Variants in CA10 observed in about 807,000 individuals in gnomAD.
CA10 encodes carbonic anhydrase-related protein 10.
In CA10, 14 loss-of-function variants were observed where a neutral mutation model predicts 44.2. The ratio of observed to expected loss-of-function variants is 0.32; its 90% CI spans 0.21 to 0.50. The LOEUF is 0.50. CA10 is among the 20% of genes least tolerant of loss of function. The probability of loss-of-function intolerance (pLI) is 0.99; values close to 1 mark genes in which losing one functional copy is unlikely to be tolerated. For synonymous variants in CA10, 159 were observed against 141.6 expected (o/e 1.12, Z -0.87); for missense variants, 350 against 409.7 (o/e 0.85, Z 1.26).
At chr17:51,817,379 T>A (rs553858788) in intron 3 of CA10, among the ~76,000 whole-genome samples, 1 of 152,348 alleles carries the variant, frequency 6.6e-6, no homozygotes, top group Admixed American at 6.5e-5. Flanking sequence ...AATATTTGTC[T>A]CTTTAAGAGA....
chr17:51,833,746 A>G (rs1355136814), intron 3 of CA10, among the ~76,000 whole-genome samples: 1 of 152,224 alleles, frequency 6.6e-6, no homozygotes, highest in Non-Finnish European at 1.5e-5. Flanking sequence ...TATATATTAG[A>G]AAGCAACCAT....
At chr17:52,035,366 T>C (rs1986586820) in intron 2 of CA10, among the ~76,000 whole-genome samples, 1 of 152,206 alleles carries the variant, frequency 6.6e-6, no homozygotes. Context: ...CCGTCCCCTT[T>C]TCAGCTCCCC....
intron 7 of CA10, among the ~76,000 whole-genome samples, chr17:51,635,373 C>T (rs146794132): frequency 7.0e-4 from 106 of 152,066 alleles, no homozygotes; most frequent in African/African-American, 2.3e-3. Flanking sequence ...ATTAGCCGGG[C>T]GTGGTGGCAC....
chr17:51,975,572 C>T (rs971231284), intron 2 of CA10, among the ~76,000 whole-genome samples: 1 of 152,052 alleles, frequency 6.6e-6, no homozygotes, highest in African/African-American at 2.4e-5. Context: ...TCCAGCTACT[C>T]GAGAGGCTGA....
chr17:52,089,517 C>T (rs574377212), intron 1 of CA10, among the ~76,000 whole-genome samples: 3 of 152,160 alleles, frequency 2.0e-5, no homozygotes, highest in African/African-American at 7.2e-5. Flanking sequence ...TACAGTATTC[C>T]TGCCTTCTCT....
chr17:51,657,443 C>A, intron 4 of CA10, among the ~76,000 whole-genome samples: 1 of 152,182 alleles, frequency 6.6e-6, no homozygotes, highest in East Asian at 1.9e-4. Context: ...ACCCAATACC[C>A]ACTAACCACT....
intron 1 of CA10, among the ~76,000 whole-genome samples, chr17:52,076,808 T>G (rs917187123): frequency 6.6e-6 from 1 of 152,170 alleles, no homozygotes; most frequent in Non-Finnish European, 1.5e-5. Context: ...TTGTTGTTGT[T>G]TACATGTGAT....
At chr17:51,678,503 AC>A (rs1393340214) in intron 4 of CA10, among the ~76,000 whole-genome samples, 1 of 152,228 alleles carries the variant, frequency 6.6e-6, no homozygotes, top group Non-Finnish European at 1.5e-5. Context: ...TCTGGCTATA[AC>A]TGAAAATCCC....
At chr17:52,107,482 C>A (rs1988685381) in intron 1 of CA10, among the ~76,000 whole-genome samples, 1 of 152,114 alleles carries the variant, frequency 6.6e-6, no homozygotes, top group South Asian at 2.1e-4. Context: ...ACAAAGCTCC[C>A]CATACTTGTA....
chr17:51,693,136 G>GCTGGTTTTGA (rs1192030722), intron 4 of CA10, among the ~76,000 whole-genome samples: 2 of 152,188 alleles, frequency 1.3e-5, no homozygotes, highest in African/African-American at 4.8e-5. Flanking sequence ...ACTGGTTCCA[G>GCTGGTTTTGA]CTGGTTTTGA....
At chr17:52,091,697 T>A (rs1181823381) in intron 1 of CA10, among the ~76,000 whole-genome samples, 1 of 152,180 alleles carries the variant, frequency 6.6e-6, no homozygotes, top group Non-Finnish European at 1.5e-5. Context: ...CAATTTTGAT[T>A]TGCAGTTGTA....
intron 2 of CA10, among the ~76,000 whole-genome samples, chr17:52,003,548 A>G (rs117241751): frequency 0.013 from 1,912 of 152,078 alleles, 20 homozygotes; most frequent in Non-Finnish European, 0.019. Flanking sequence ...AGCTTTGTTT[A>G]CCTTTTTAAT....
chr17:52,029,768 T>C lies in CA10; in HGVS notation c.136+42551A>G, dbSNP rs142939440. Among the ~76,000 whole-genome samples the C allele has an allele frequency of 4.2e-4, 64 of 152,320 alleles. 1 individual carries two copies. The highest frequency in any genetic ancestry group is 1.4e-3 in the African/African-American group (60 of 41,586). ...AAGAAATTAAGAAGCATGTGAGCCATTGAACCTTGACCACAAATATTCTAA... is the reference window on the plus strand; with the variant it reads ...AAGAAATTAAGAAGCATGTGAGCCACTGAACCTTGACCACAAATATTCTAA... On this transcript the variant is annotated intron_variant, in intron 2 of 8. Coordinates refer to ENST00000451037, the MANE Select transcript of CA10 (RefSeq NM_020178.5).
At chr17:51,737,895 G>C (rs1032794833) in intron 4 of CA10, among the ~76,000 whole-genome samples, 1 of 152,158 alleles carries the variant, frequency 6.6e-6, no homozygotes. Context: ...GATTTATAGA[G>C]GCTGACTGTG....
intron 2 of CA10, among the ~76,000 whole-genome samples, chr17:51,946,146 G>A (rs2144024857): frequency 6.6e-6 from 1 of 152,206 alleles, no homozygotes; most frequent in African/African-American, 2.4e-5. Flanking sequence ...ACCAGGGCTG[G>A]GACAAGAGGA....
intron 1 of CA10, among the ~76,000 whole-genome samples, chr17:52,104,009 T>C (rs564982585): frequency 2.2e-4 from 34 of 152,204 alleles, no homozygotes; most frequent in Non-Finnish European, 4.0e-4. Context: ...TGACCATACT[T>C]TACTGAGATT....
At chr17:51,685,792 A>G (rs1914988905) in intron 4 of CA10, among the ~76,000 whole-genome samples, 1 of 152,218 alleles carries the variant, frequency 6.6e-6, no homozygotes, top group African/African-American at 2.4e-5. Context: ...TTGTAGGAAA[A>G]TAACCCCAGA....
intron 3 of CA10, among the ~76,000 whole-genome samples, chr17:51,776,564 C>T (rs943004147): frequency 7.9e-5 from 12 of 151,980 alleles, no homozygotes; most frequent in Non-Finnish European, 1.2e-4. Context: ...CTCCAAAATC[C>T]AGCACATCTC....
intron 3 of CA10, among the ~76,000 whole-genome samples, chr17:51,829,591 G>A (rs371875324): frequency 1.3e-5 from 2 of 152,208 alleles, no homozygotes; most frequent in African/African-American, 4.8e-5. Context: ...AAGGGAAAGA[G>A]AAGGGAAAGT....
Sources: allele counts gnomAD v4.1 joint callset (sites outside exome capture counted in the v4.1 genomes callset), GRCh38; gene constraint gnomAD v4.1.1; transcripts MANE v1.5; gene names NCBI Gene and HGNC (gene_info 2026-07-23, HGNC 2026-07-21).